The following RBM25 variants were observed in gnomAD, a reference collection of about 807,000 sequenced individuals.
RBM25 encodes RNA-binding protein 25.
In RBM25, 19 loss-of-function variants were observed where a neutral mutation model predicts 120.7. The ratio of observed to expected loss-of-function variants is 0.16; its 90% CI spans 0.11 to 0.23. The LOEUF is 0.23. RBM25 is among the 10% of genes least tolerant of loss of function. RBM25 has a pLI of 1.00. For missense variants in RBM25, 605 were observed against 1,041.5 expected, an observed-to-expected ratio of 0.58 and a Z score of 5.77; for synonymous variants, 390 against 326.7, an observed-to-expected ratio of 1.19 and a Z score of -2.09.
rs1183002273 is a variant in RBM25, at chr14:73,123,826, C to T, written c.*4021C>T. 1 of 151,764 alleles carries T rather than the reference C, an allele frequency of 6.6e-6. No individual in the cohort carries two copies. The highest frequency in any genetic ancestry group is 1.9e-4 in the East Asian group (1 of 5,192). 9.4% of individuals were successfully genotyped at this position (151,764 alleles called of 1,614,324 possible). A position where few individuals can be genotyped will look rare whatever the true frequency, so the allele number is the denominator to read the frequency against. ...ATTAAAGAATGGCAGTCTAAAATAC[C>T]CAGGTAAAGAAGATAATTTCTAGAA... On this transcript the variant is annotated 3_prime_UTR_variant, in exon 19 of 19. Transcript: ENST00000261973.
rs72346306 is a variant in RBM25, at chr14:73,103,905, GTCTCTCTCTCTCTCTCTC to G, written c.1154+454_1154+471del. ...TCTTTGTCTGTCTGTCTGTCTGTCT[GTCTCTCTCTCTCTCTCTC>G]TCTCTCTCTCTCTCTCTCTCTCTCT... is the stretch of plus-strand genomic sequence containing the variant. On this transcript the variant is annotated intron_variant, in intron 10 of 18. Coordinates refer to ENST00000261973, the MANE Select transcript of RBM25 (RefSeq NM_021239.3). Among the ~76,000 whole-genome samples, 788 of 91,674 alleles carry G rather than the reference GTCTCTCTCTCTCTCTCTC, an allele frequency of 8.6e-3. 5 individuals carry two copies. The highest frequency in any genetic ancestry group is 0.01 in the Non-Finnish European group (465 of 45,070). The allele number at this position is 91,674 out of a possible 152,430, so 60.1% of individuals were successfully genotyped here.
intron 17 of RBM25, among the ~76,000 whole-genome samples, chr14:73,112,880 T>C (rs2140463934): frequency 6.6e-6 from 1 of 152,310 alleles, no homozygotes; most frequent in East Asian, 1.9e-4. Flanking sequence ...CATGGCTCAC[T>C]GCAGCTTTGA....
rs777916799 is a variant in RBM25, at chr14:73,109,307, T to G, written c.1542-35T>G. 1.9e-6 allele frequency: 3 copies of G among 1,593,580 alleles called. No individual in the cohort carries two copies. The South Asian group carries it at 3.4e-5, about 18-fold the overall frequency. ...CATGTTTACTTCTCAATGATCGGAG[T>G]ATTAAATGAAGCCTTTTATCATTCA... On this transcript the variant is annotated intron_variant, in intron 13 of 18. Transcript: ENST00000261973.
chr14:73,103,942 TCTCTCTCACA>T (rs1226559872), intron 10 of RBM25, among the ~76,000 whole-genome samples: 21 of 43,528 alleles, frequency 4.8e-4, no homozygotes, highest in Non-Finnish European at 7.7e-4. Context: ...TCTCTCTCTC[TCTCTCTCACA>T]CACACACACA....
chr14:73,110,609 A>C (rs1284569676), intron 14 of RBM25, among the ~76,000 whole-genome samples: 7 of 151,856 alleles, frequency 4.6e-5, no homozygotes, highest in Non-Finnish European at 1.0e-4. Context: ...TTGTATTTTC[A>C]GTAAAGACAG....
intron 18 of RBM25, among the ~76,000 whole-genome samples, chr14:73,117,202 CTTCTTTTCTTTT>C (rs1896448681): frequency 6.3e-5 from 3 of 47,758 alleles, no homozygotes; most frequent in African/African-American, 2.3e-4. Flanking sequence ...TAATTTCTTT[CTTCTTTTCTTTT>C]TTTTTTTTTT....
Position 73,097,072 on chromosome 14 carries a change from G to A in RBM25, c.701G>A (p.Arg234Lys). 3 of 1,610,230 alleles carry A rather than the reference G, an allele frequency of 1.9e-6. No homozygotes were observed. Among genetic ancestry groups the A allele is most frequent in the Non-Finnish European group, 2.5e-6 (3 of 1,179,110 alleles). Residue 234 changes from arginine (R) to lysine (K), a missense_variant, in exon 7 of 19, where the codon AGG becomes AAG. Around this residue, in one of 4 missense-constraint regions of RBM25, gnomAD observed 465 missense variants for 741.6 expected, o/e 0.63. Transcript: ENST00000261973. ...APSQESDSHP[R>K]KKKKEKKEDI... ...TCACAGGAATCTGATTCTCACCCCA[G>A]GAAGAAGAAGAAGGAAAAGAAGGAG...
chr14:73,112,614 T>C (rs997094756), intron 17 of RBM25, among the ~76,000 whole-genome samples: 1 of 152,144 alleles, frequency 6.6e-6, no homozygotes, highest in Non-Finnish European at 1.5e-5. Flanking sequence ...GGAATAATTA[T>C]GTTGAGATTT....
rs565178618 is a variant in RBM25, at chr14:73,061,003, C to A, written c.-16+2298C>A. ...CAGGAAACTAACACTGATAAAATAC[C>A]TAATCTACAGTTCTTAAATAGATTT... On this transcript the variant is annotated intron_variant, in intron 1 of 18. Transcript: ENST00000261973. 3.8e-4 allele frequency among the ~76,000 whole-genome samples: 58 copies of A among 150,788 alleles called. 2 individuals carry two copies. The highest frequency in any genetic ancestry group is 4.2e-4 in the Non-Finnish European group (28 of 67,460).
chr14:73,120,274 A>G lies in RBM25; in HGVS notation c.*469A>G, dbSNP rs1896516508. On this transcript the variant is annotated 3_prime_UTR_variant, in exon 19 of 19. Transcript: ENST00000261973. ...AAGCCCTTGTGAAGGCATGGAGTTT[A>G]AAATTGGAATGCAAAAATTAGCAGA... 1 of 153,018 alleles carries G rather than the reference A, an allele frequency of 6.5e-6. No homozygotes were observed. The highest frequency in any genetic ancestry group is 2.1e-4 in the South Asian group (1 of 4,832). 9.5% of individuals were successfully genotyped at this position (153,018 alleles called of 1,614,324 possible).
intron 1 of RBM25, chr14:73,064,955 T>A (rs982724102): frequency 5.3e-5 from 7 of 133,300 alleles, no homozygotes; most frequent in African/African-American, 2.1e-4. Context: ...AGAGTTTTAC[T>A]TTTTTTTTTT....
chr14:73,071,601 G>A, intron 1 of RBM25, 26 bp from the exon 2 acceptor site: 1 of 1,466,334 alleles, frequency 6.8e-7, no homozygotes, highest in East Asian at 2.3e-5. Flanking sequence ...CAAATAAAAT[G>A]ATTTGTCATG....
chr14:73,107,784 A>G (rs1184134315), intron 12 of RBM25, 42 bp from the exon 13 acceptor site: 1 of 1,380,874 alleles, frequency 7.2e-7, no homozygotes, highest in East Asian at 2.3e-5. Flanking sequence ...AATCTTTATT[A>G]CTTGTATGTT....
chr14:73,110,761 G>A (rs1478697788), intron 14 of RBM25, 70 bp from the exon 15 acceptor site: 3 of 1,502,496 alleles, frequency 2.0e-6, no homozygotes, highest in African/African-American at 1.4e-5. Context: ...TTTACAAGAG[G>A]TAATGTAAAA....
chr14:73,099,455 T>C, intron 8 of RBM25, 22 bp downstream of exon 8: 1 of 1,605,452 alleles, frequency 6.2e-7, no homozygotes, highest in Non-Finnish European at 8.5e-7. Context: ...TTGTAGGCTT[T>C]GACAATACCT....
At chr14:73,086,627 G>A (rs1474854902) in intron 5 of RBM25, among the ~76,000 whole-genome samples, 1 of 152,108 alleles carries the variant, frequency 6.6e-6, no homozygotes, top group East Asian at 1.9e-4. Context: ...TTACTGAGTT[G>A]CTTTATCTTG....
rs545570694 is a variant in RBM25 at position 73,062,746 on chromosome 14, A to G, written c.-16+4041A>G. 1.2e-4 allele frequency among the ~76,000 whole-genome samples: 18 copies of G among 151,582 alleles called. No individual in the cohort carries two copies. The East Asian group carries it at 1.7e-3, about 15-fold the overall frequency. On this transcript the variant is annotated intron_variant, in intron 1 of 18. Coordinates refer to ENST00000261973, the MANE Select transcript of RBM25 (RefSeq NM_021239.3). Reference sequence around the variant, plus strand: ...ATAAAATGCATCTGTTTTAATTTCAATGAGTTTAGACAAATGCATATACTT... The same window carrying G: ...ATAAAATGCATCTGTTTTAATTTCAGTGAGTTTAGACAAATGCATATACTT...
chr14:73,084,707 C>T (rs1335507975), intron 5 of RBM25, among the ~76,000 whole-genome samples: 1 of 151,858 alleles, frequency 6.6e-6, no homozygotes, highest in Admixed American at 6.6e-5. Context: ...CACGTGCCAC[C>T]ATGCCCGGCT....
chr14:73,105,774 T>C (rs1195237586), intron 10 of RBM25, 85 bp from the exon 11 acceptor site: 1 of 1,541,014 alleles, frequency 6.5e-7, no homozygotes, highest in Admixed American at 2.1e-5. Context: ...TTATATTATT[T>C]CATAATGTAT....
Sources: gnomAD v4.1 joint callset for allele counts (sites outside exome capture counted in the v4.1 genomes callset) on GRCh38, gnomAD v4.1.1 for gene constraint, gnomAD v4.1.1 regional missense constraint, MANE v1.5 for transcripts, NCBI Gene and HGNC (gene_info 2026-07-23, HGNC 2026-07-21) for gene names.